The following CNTN4 variants were observed in gnomAD, a reference collection of about 807,000 sequenced individuals.
CNTN4 encodes the protein contactin 4.
Under a neutral mutation model 122.5 loss-of-function variants are expected in CNTN4, and 77 were observed. The ratio of observed to expected loss-of-function variants is 0.63; its 90% CI spans 0.52 to 0.76. CNTN4 has a LOEUF of 0.76. CNTN4 is among the 30% of genes least tolerant of loss of function. The pLI is 0.00. For missense variants in CNTN4, 1,256 were observed against 1,259.1 expected, an observed-to-expected ratio of 1.00 and a Z score of 0.04; for synonymous variants, 512 against 447.0, an observed-to-expected ratio of 1.15 and a Z score of -1.83.
intron 14 of CNTN4, among the ~76,000 whole-genome samples, chr3:2,994,298 T>C (rs1226728076): frequency 5.9e-5 from 9 of 152,184 alleles, no homozygotes; most frequent in Non-Finnish European, 1.2e-4. Flanking sequence ...AGAGTTCTTT[T>C]GGCTTTTCTG....
In CNTN4 at chr3:2,924,581, G is replaced by GA. The variant is rs138353798; in HGVS notation, c.1208-1046dup. 5.8e-3 allele frequency among the ~76,000 whole-genome samples: 880 copies of GA among 152,168 alleles called. 9 individuals carry two copies. Among genetic ancestry groups the GA allele is most frequent in the African/African-American group, 0.02 (834 of 41,492 alleles). ...AATGTCTTTTATTTTACTTTTGTGC[G>GA]AATACAAATATGTATCTTTTGTTTT... On this transcript the variant is annotated intron_variant, in intron 12 of 24. Coordinates refer to ENST00000418658, the MANE Select transcript of CNTN4 (RefSeq NM_175607.3).
chr3:3,037,997 C>T lies in CNTN4; in HGVS notation c.2092+669C>T, dbSNP rs183149156. 2.5e-3 allele frequency among the ~76,000 whole-genome samples: 376 copies of T among 152,120 alleles called. 2 individuals are homozygous for T. Among genetic ancestry groups the T allele is most frequent in the African/African-American group, 6.5e-3 (271 of 41,502 alleles). On this transcript the variant is annotated intron_variant, in intron 18 of 24. Transcript: ENST00000418658. ...CATGTGCCGTCTTTTATAGAGTTCC[C>T]GCCTGTAGAGAGGCCAGTGTGTTGA...
chr3:2,160,264 C>A (rs538509171), intron 2 of CNTN4, among the ~76,000 whole-genome samples: 1 of 152,068 alleles, frequency 6.6e-6, no homozygotes, highest in Non-Finnish European at 1.5e-5. Flanking sequence ...CTAAAACCAT[C>A]GTTTTACTGA....
chr3:2,709,596 T>C lies in CNTN4; in HGVS notation c.56-26619T>C, dbSNP rs1354431618. Among the ~76,000 whole-genome samples the C allele has an allele frequency of 6.6e-6, 1 of 152,134 alleles. No homozygotes were observed. Among genetic ancestry groups the C allele is most frequent in the Non-Finnish European group, 1.5e-5 (1 of 68,016 alleles). ...ATGAACAATTTCACATATTGAAAAA[T>C]GTTTTTAATAATTAATCATTTAAAT... On this transcript the variant is annotated intron_variant, in intron 4 of 24. Transcript: ENST00000418658. This position sits in a 1 kb window ranked among gnomAD's most constrained non-coding sequence, Gnocchi z 5.0.
chr3:2,159,773 T>C lies in CNTN4; in HGVS notation c.-145+59134T>C, dbSNP rs542908221. On this transcript the variant is annotated intron_variant, in intron 2 of 24. Coordinates refer to ENST00000418658, the MANE Select transcript of CNTN4 (RefSeq NM_175607.3). Reference sequence around the variant, plus strand: ...TAAAGTTATGTTTGAATGGATTATGTTTGTCCCACAATCATTTTTTAATCT... The same window carrying C: ...TAAAGTTATGTTTGAATGGATTATGCTTGTCCCACAATCATTTTTTAATCT... Among the ~76,000 whole-genome samples the C allele has an allele frequency of 2.0e-5, 3 of 152,266 alleles. No homozygotes were observed. In the East Asian group the frequency reaches 5.8e-4, roughly 29 times the overall value.
At chr3:2,981,369 A>T (rs364379) in intron 13 of CNTN4, among the ~76,000 whole-genome samples, 1 of 150,648 alleles carries the variant, frequency 6.6e-6, no homozygotes, top group African/African-American at 2.5e-5. Context: ...GCGTGAACCC[A>T]GGAGTTGGAG....
At chr3:2,312,900 A>G (rs768809630) in intron 2 of CNTN4, among the ~76,000 whole-genome samples, 2 of 151,914 alleles carry the variant, frequency 1.3e-5, no homozygotes, top group African/African-American at 2.4e-5. Context: ...AACATTGAAA[A>G]CTGGAGTTAT....
chr3:2,544,200 C>A (rs1051490867), intron 3 of CNTN4, among the ~76,000 whole-genome samples: 2 of 152,090 alleles, frequency 1.3e-5, no homozygotes, highest in African/African-American at 4.8e-5. Flanking sequence ...CGAGTGGTGC[C>A]TTTATCTTTT....
chr3:2,778,047 T>C (rs569213585), intron 6 of CNTN4, among the ~76,000 whole-genome samples: 1 of 150,830 alleles, frequency 6.6e-6, no homozygotes, highest in Non-Finnish European at 1.5e-5. Context: ...ACCCCGTCTC[T>C]ACTAAAAATA....
At chr3:2,928,567 T>G (rs2094493800) in intron 13 of CNTN4, among the ~76,000 whole-genome samples, 1 of 152,218 alleles carries the variant, frequency 6.6e-6, no homozygotes, top group African/African-American at 2.4e-5. Flanking sequence ...CTCATTAGCC[T>G]TAATTCTCTT....
At chr3:2,615,704 C>T (rs1360380847) in intron 4 of CNTN4, among the ~76,000 whole-genome samples, 1 of 151,898 alleles carries the variant, frequency 6.6e-6, no homozygotes, top group Admixed American at 6.6e-5. Context: ...CAATTATTTC[C>T]AGAGTATAAT....
intron 13 of CNTN4, among the ~76,000 whole-genome samples, chr3:2,977,603 G>T (rs1001823822): frequency 1.3e-5 from 2 of 152,122 alleles, no homozygotes; most frequent in Non-Finnish European, 2.9e-5. Context: ...AGGCTGAGCA[G>T]TGGGCATGGG....
At chr3:2,879,050 C>G (rs1322009727) in intron 8 of CNTN4, among the ~76,000 whole-genome samples, 1 of 152,080 alleles carries the variant, frequency 6.6e-6, no homozygotes, top group Non-Finnish European at 1.5e-5. Context: ...ATGGTGAAGT[C>G]CTAATACCCA....
intron 3 of CNTN4, among the ~76,000 whole-genome samples, chr3:2,377,981 G>A (rs2045884505): frequency 6.6e-6 from 1 of 152,140 alleles, no homozygotes; most frequent in Non-Finnish European, 1.5e-5. Context: ...GCTAACAACT[G>A]TTGTTGTCAC....
chr3:3,014,884 T>G (rs1559790853), intron 14 of CNTN4, among the ~76,000 whole-genome samples: 1 of 150,800 alleles, frequency 6.6e-6, no homozygotes, highest in African/African-American at 2.4e-5. Context: ...GATTGGTTTT[T>G]TTTTTTTTTT....
At chr3:2,143,542 G>A (rs1047404738) in intron 2 of CNTN4, among the ~76,000 whole-genome samples, 2 of 152,180 alleles carry the variant, frequency 1.3e-5, no homozygotes, top group Non-Finnish European at 1.5e-5. Context: ...ATCACCAGCA[G>A]ATTGTAATTT....
At chr3:2,445,507 C>T (rs569588250) in intron 3 of CNTN4, among the ~76,000 whole-genome samples, 39 of 152,174 alleles carry the variant, frequency 2.6e-4, no homozygotes, top group South Asian at 8.3e-4. Context: ...ACTATCTTGC[C>T]GCTTGAAAAA....
chr3:2,590,269 T>A (rs2080405284), intron 4 of CNTN4, among the ~76,000 whole-genome samples: 1 of 152,206 alleles, frequency 6.6e-6, no homozygotes, highest in African/African-American at 2.4e-5. Context: ...TTTGTTGTTT[T>A]GTTTTGAGAC....
At position 2,679,601 on chromosome 3, in the gene CNTN4, A is replaced by G. The variant is rs535260871; in HGVS notation, c.56-56614A>G. Among the ~76,000 whole-genome samples the G allele has an allele frequency of 5.9e-5, 9 of 152,276 alleles. No homozygotes were observed. The South Asian group carries it at 1.7e-3, about 28-fold the overall frequency. On this transcript the variant is annotated intron_variant, in intron 4 of 24. Coordinates refer to ENST00000418658, the MANE Select transcript of CNTN4 (RefSeq NM_175607.3). ...TTAGAATGGATTTGCCAATTTTTGT[A>G]TGTATGGGATTATACTGGGGTCACC...
Sources: gnomAD v4.1 joint callset for allele counts (sites outside exome capture counted in the v4.1 genomes callset) on GRCh38, gnomAD v4.1.1 for gene constraint, Gnocchi (gnomAD v3.1) non-coding constraint, MANE v1.5 for transcripts, NCBI Gene and HGNC (gene_info 2026-07-23, HGNC 2026-07-21) for gene names.